USP15: variants seen among roughly 807,000 people sequenced by gnomAD.
USP15 encodes ubiquitin carboxyl-terminal hydrolase 15.
In USP15, 18 loss-of-function variants were observed where a neutral mutation model predicts 127.1. That is an observed-to-expected ratio of 0.14 (90% CI 0.10 to 0.21). USP15 has a LOEUF of 0.21. Ranked by LOEUF, USP15 falls within the 10% of genes least tolerant of loss-of-function variation. The pLI is 1.00. For synonymous variants in USP15, 364 were observed against 393.7 expected, an observed-to-expected ratio of 0.92 and a Z score of 0.89; for missense variants, 805 against 1,159.9, an observed-to-expected ratio of 0.69 and a Z score of 4.44.
intron 6 of USP15, among the ~76,000 whole-genome samples, chr12:62,330,623 T>C (rs73137525): frequency 0.081 from 12,109 of 150,044 alleles, 593 homozygotes; most frequent in Middle Eastern, 0.17. Context: ...CTGTGTTCAT[T>C]GAAAAGCACA....
chr12:62,367,953 T>A (rs192964700), intron 8 of USP15, among the ~76,000 whole-genome samples: 120 of 152,364 alleles, frequency 7.9e-4, no homozygotes, highest in Admixed American at 1.4e-3. Flanking sequence ...CATTTAGTGC[T>A]ATAAATTTCC....
At position 62,361,754 on chromosome 12, in the gene USP15, TCTTA is replaced by T. The variant is rs911720151; in HGVS notation, c.915+6284_915+6287del. Among the ~76,000 whole-genome samples, 12 of 152,138 alleles carry T rather than the reference TCTTA, an allele frequency of 7.9e-5. No homozygotes were observed. In the East Asian group the frequency reaches 2.1e-3, roughly 27 times the overall value. ...GAAAAACCTATTTCAGATTTACTTC[TCTTA>T]CTTAAAATCAAGCAGCTCATTTTTT... On this transcript the variant is annotated intron_variant, in intron 8 of 21. Transcript: ENST00000280377.
At chr12:62,350,020 A>AT (rs776010074) in intron 7 of USP15, among the ~76,000 whole-genome samples, 61 of 150,384 alleles carry the variant, frequency 4.1e-4, no homozygotes, top group South Asian at 1.0e-3. Flanking sequence ...TTATCCTTTT[A>AT]TTTTTTTTTG....
At chr12:62,287,690 TAA>T (rs2063824839) in intron 1 of USP15, among the ~76,000 whole-genome samples, 1 of 152,166 alleles carries the variant, frequency 6.6e-6, no homozygotes, top group Non-Finnish European at 1.5e-5. Context: ...AGGACTTTTA[TAA>T]AAGTTTCAAG....
chr12:62,354,821 A>G (rs1376525637), intron 7 of USP15, among the ~76,000 whole-genome samples: 1 of 151,972 alleles, frequency 6.6e-6, no homozygotes, highest in Non-Finnish European at 1.5e-5. Flanking sequence ...TCGCATAGAA[A>G]CTATAAATGG....
At chr12:62,301,735 C>A (rs1165970381) in intron 2 of USP15, among the ~76,000 whole-genome samples, 1 of 152,136 alleles carries the variant, frequency 6.6e-6, no homozygotes, top group African/African-American at 2.4e-5. Flanking sequence ...CTCTTAATCC[C>A]TCAGGTTTTT....
At chr12:62,283,253 T>C (rs746846921) in intron 1 of USP15, among the ~76,000 whole-genome samples, 9 of 152,178 alleles carry the variant, frequency 5.9e-5, no homozygotes, top group South Asian at 4.1e-4. Flanking sequence ...GCTTGGCAAG[T>C]GCAGAAAATT....
intron 19 of USP15, 158 bp from the exon 20 acceptor site, chr12:62,396,137 A>G (rs2067484211): frequency 6.3e-6 from 2 of 318,110 alleles, no homozygotes; most frequent in Non-Finnish European, 1.1e-5. Flanking sequence ...TTGACTCATG[A>G]TAATTTCCTT....
At chr12:62,323,107 A>G (rs896327708) in intron 5 of USP15, among the ~76,000 whole-genome samples, 1 of 152,092 alleles carries the variant, frequency 6.6e-6, no homozygotes, top group Non-Finnish European at 1.5e-5. Context: ...ATTTCTCTCA[A>G]TGTCCATTGA....
At chr12:62,309,017 GAA>G (rs1221511256) in intron 3 of USP15, among the ~76,000 whole-genome samples, 1 of 152,092 alleles carries the variant, frequency 6.6e-6, no homozygotes, top group Non-Finnish European at 1.5e-5. Flanking sequence ...TATTGGAAAA[GAA>G]AGTGAAAATC....
At chr12:62,387,557 G>A (rs1186864544) in intron 11 of USP15, among the ~76,000 whole-genome samples, 2 of 152,078 alleles carry the variant, frequency 1.3e-5, no homozygotes, top group East Asian at 1.9e-4. Context: ...AGGAGAAAGT[G>A]GTCAGCAGTC....
Position 62,324,905 on chromosome 12 carries a change from G to C in USP15, c.622-967G>C, listed in dbSNP as rs915694891. Among the ~76,000 whole-genome samples, 7 of 151,894 alleles carry C rather than the reference G, an allele frequency of 4.6e-5. No individual in the cohort carries two copies. The East Asian group carries it at 7.7e-4, about 17-fold the overall frequency. The stretch of plus-strand genomic sequence containing the variant: ...AAAAATATATTACTAAGTGCATGTA[G>C]AGTAGTTTATGAAATTGCAACTTTA... On this transcript the variant is annotated intron_variant, in intron 5 of 21. Transcript: ENST00000280377.
intron 8 of USP15, among the ~76,000 whole-genome samples, chr12:62,367,724 AGTCT>A (rs1377538451): frequency 6.6e-6 from 1 of 150,434 alleles, no homozygotes; most frequent in Non-Finnish European, 1.5e-5. Context: ...TCTGGCTAGC[AGTCT>A]GTCTATTTTG....
At chr12:62,318,049 C>T (rs372469334) in intron 4 of USP15, among the ~76,000 whole-genome samples, 16 of 152,198 alleles carry the variant, frequency 1.1e-4, no homozygotes, top group Middle Eastern at 6.8e-3. Context: ...CCTCTGTATG[C>T]TTTTCATTAA....
intron 1 of USP15, among the ~76,000 whole-genome samples, chr12:62,289,542 A>G (rs1434206566): frequency 6.6e-6 from 1 of 151,606 alleles, no homozygotes; most frequent in Non-Finnish European, 1.5e-5. Flanking sequence ...TTCTCTTTTC[A>G]AAGAACTAAC....
chr12:62,391,098 T>A, intron 15 of USP15, 59 bp from the exon 16 acceptor site: 3 of 1,510,212 alleles, frequency 2.0e-6, no homozygotes, highest in Non-Finnish European at 2.7e-6. Flanking sequence ...ATTAATAATA[T>A]TAATAATTTA....
At chr12:62,395,634 A>C (rs1435079801) in intron 19 of USP15, among the ~76,000 whole-genome samples, 1 of 150,562 alleles carries the variant, frequency 6.6e-6, no homozygotes, top group Non-Finnish European at 1.5e-5. Context: ...CCCACCTTAC[A>C]TCTCCCCTAC....
At position 62,306,738 on chromosome 12, in the gene USP15, C is replaced by T. The variant is rs184883890; in HGVS notation, c.348+3818C>T. Among the ~76,000 whole-genome samples, 8 of 152,132 alleles carry T rather than the reference C, an allele frequency of 5.3e-5. No individual in the cohort carries two copies. In the East Asian group the frequency reaches 7.7e-4, roughly 15 times the overall value. ...ATTCCTAGTCCCTCCAGATGGCAAA[C>T]GGTGCTAATACTAAGCAGTGTTTCT... On this transcript the variant is annotated intron_variant, in intron 3 of 21. Coordinates refer to ENST00000280377, the MANE Select transcript of USP15 (RefSeq NM_001252078.2).
At chr12:62,269,101 T>C (rs1047869395) in intron 1 of USP15, among the ~76,000 whole-genome samples, 1 of 152,142 alleles carries the variant, frequency 6.6e-6, no homozygotes, top group East Asian at 1.9e-4. Flanking sequence ...TACTGCTGAA[T>C]GATACAGTCA....
Sources: gnomAD v4.1 joint callset for allele counts (sites outside exome capture counted in the v4.1 genomes callset) on GRCh38, gnomAD v4.1.1 for gene constraint, MANE v1.5 for transcripts, NCBI Gene and HGNC (gene_info 2026-07-23, HGNC 2026-07-21) for gene names.